Variants in SRGAP3 observed in about 807,000 individuals in gnomAD.
SRGAP3 encodes SLIT-ROBO Rho GTPase-activating protein 3.
Under a neutral mutation model 121.1 loss-of-function variants are expected in SRGAP3, and 39 were observed. That is an observed-to-expected ratio of 0.32 (90% confidence interval 0.25 to 0.42). The LOEUF is 0.42. Among genes scored for constraint, SRGAP3 ranks in the 10% least tolerant of loss-of-function variants. SRGAP3 has a pLI of 1.00. For synonymous variants in SRGAP3, 601 were observed against 570.0 expected (o/e 1.05, Z -0.77); for missense variants, 1,213 against 1,470.6 (o/e 0.82, Z 2.86).
At chr3:9,283,954 C>T (rs976799776) in intron 3 of SRGAP3, among the ~76,000 whole-genome samples, 1 of 152,160 alleles carries the variant, frequency 6.6e-6, no homozygotes, top group Non-Finnish European at 1.5e-5. Context: ...CATTTATAGA[C>T]AAGAATTATT....
chr3:9,345,676 C>A (rs531031281), intron 1 of SRGAP3, among the ~76,000 whole-genome samples: 1 of 149,078 alleles, frequency 6.7e-6, no homozygotes, highest in Non-Finnish European at 1.5e-5. Flanking sequence ...ATCCCAGCTA[C>A]CTGGGAGGCT....
chr3:9,086,367 A>G (rs1376159574), intron 3 of SRGAP3, among the ~76,000 whole-genome samples: 1 of 152,078 alleles, frequency 6.6e-6, no homozygotes, highest in Non-Finnish European at 1.5e-5. Flanking sequence ...TCTATCAAAC[A>G]TACAAAAAAT....
intron 1 of SRGAP3, among the ~76,000 whole-genome samples, chr3:9,204,165 C>T (rs1427546174): frequency 6.6e-6 from 1 of 152,236 alleles, no homozygotes; most frequent in African/African-American, 2.4e-5. Flanking sequence ...ACTACTTAGA[C>T]CCCAAGTTAG....
Position 9,077,788 on chromosome 3 carries a change from C to T in SRGAP3, c.486+2237G>A, listed in dbSNP as rs575599395. Among the ~76,000 whole-genome samples the T allele has an allele frequency of 3.3e-5, 5 of 152,370 alleles. No homozygotes were observed. The East Asian group carries it at 7.7e-4, about 24-fold the overall frequency. ...CCTTGAAGGACACAGAGAGATGCCA[C>T]TGTCCTCCTGATCTCTGACCATCAC... On this transcript the variant is annotated intron_variant, in intron 4 of 21. Coordinates refer to ENST00000383836, the MANE Select transcript of SRGAP3 (RefSeq NM_014850.4).
At chr3:9,157,811 C>T (rs1035851576) in intron 1 of SRGAP3, among the ~76,000 whole-genome samples, 4 of 152,180 alleles carry the variant, frequency 2.6e-5, no homozygotes, top group Admixed American at 2.0e-4. Context: ...ATATGTCACA[C>T]TGTTAAAATA....
At chr3:9,207,529 C>A (rs548147851) in intron 1 of SRGAP3, among the ~76,000 whole-genome samples, 1 of 152,240 alleles carries the variant, frequency 6.6e-6, no homozygotes, top group South Asian at 2.1e-4. Context: ...TGTAGACTAC[C>A]ATACAGGAAG....
At chr3:8,987,644 T>C (rs974442143) in intron 21 of SRGAP3, among the ~76,000 whole-genome samples, 8 of 152,244 alleles carry the variant, frequency 5.3e-5, no homozygotes. Flanking sequence ...GTCCTTTTTG[T>C]TAGGGGACTA....
intron 1 of SRGAP3, among the ~76,000 whole-genome samples, chr3:9,234,968 G>C (rs774167628): frequency 7.2e-5 from 11 of 152,150 alleles, no homozygotes; most frequent in African/African-American, 2.2e-4. Flanking sequence ...ATGGGAAGGG[G>C]GAAATTCTAG....
intron 18 of SRGAP3, among the ~76,000 whole-genome samples, chr3:9,004,844 T>C (rs1035666983): frequency 6.6e-6 from 1 of 152,214 alleles, no homozygotes; most frequent in Non-Finnish European, 1.5e-5. Context: ...TACATCCTCA[T>C]GAACTTGGAT....
chr3:9,334,807 G>A (rs1955665062), intron 1 of SRGAP3, among the ~76,000 whole-genome samples: 1 of 152,176 alleles, frequency 6.6e-6, no homozygotes, highest in Non-Finnish European at 1.5e-5. Flanking sequence ...CTGCTACTAC[G>A]TGGCTCTAGG....
chr3:9,065,186 T>C (rs1214819255), intron 4 of SRGAP3: 5 of 152,250 alleles, frequency 3.3e-5, no homozygotes, highest in African/African-American at 9.6e-5. Flanking sequence ...ATAGATATTC[T>C]ATGCTCTCTG....
chr3:9,074,656 G>A (rs1291864094), intron 4 of SRGAP3, among the ~76,000 whole-genome samples: 1 of 152,218 alleles, frequency 6.6e-6, no homozygotes, highest in Non-Finnish European at 1.5e-5. Flanking sequence ...TCAGGCTCCT[G>A]GGCTCCCAGT....
intron 1 of SRGAP3, among the ~76,000 whole-genome samples, chr3:9,202,607 G>A (rs1952105257): frequency 1.3e-5 from 2 of 152,144 alleles, no homozygotes; most frequent in African/African-American, 4.8e-5. Context: ...CTGCCTGCCT[G>A]CCCCACCCTC....
chr3:9,327,483 G>C (rs1311143594), intron 2 of SRGAP3, among the ~76,000 whole-genome samples: 2 of 152,066 alleles, frequency 1.3e-5, no homozygotes, highest in African/African-American at 2.4e-5. Context: ...TACACACCTT[G>C]CATGTAAACC....
chr3:9,200,223 T>A (rs763879930), intron 1 of SRGAP3, among the ~76,000 whole-genome samples: 1 of 152,212 alleles, frequency 6.6e-6, no homozygotes, highest in Non-Finnish European at 1.5e-5. Context: ...ATACTTTGTT[T>A]TTAAGATAAA....
intron 1 of SRGAP3, among the ~76,000 whole-genome samples, chr3:9,356,881 T>C (rs922211114): frequency 6.6e-6 from 1 of 152,238 alleles, no homozygotes; most frequent in African/African-American, 2.4e-5. Flanking sequence ...TATTTTCTTT[T>C]GATGACTTAA....
rs74377949 is a variant in SRGAP3 at position 9,165,946 on chromosome 3, A to C, written c.68-41029T>G. ...TCTTATATATGTGATTATCTGATTA[A>C]TGAGGAAGAAAACCCCATGTGAGGG... On this transcript the variant is annotated intron_variant, in intron 1 of 21. Coordinates refer to ENST00000383836, the MANE Select transcript of SRGAP3 (RefSeq NM_014850.4). Among the ~76,000 whole-genome samples the C allele has an allele frequency of 2.7e-3, 411 of 152,350 alleles. 4 individuals carry two copies. The highest frequency in any genetic ancestry group is 4.1e-3 in the Non-Finnish European group (281 of 68,036).
At chr3:9,216,720 G>A (rs1289178908) in intron 1 of SRGAP3, 1 of 152,618 alleles carries the variant, frequency 6.6e-6, no homozygotes, top group African/African-American at 2.4e-5. Flanking sequence ...GCTAAAAACT[G>A]ACAAGACCGC....
rs549586009 is a variant in SRGAP3, at chr3:9,081,920, G to A, written c.424-1833C>T. Among the ~76,000 whole-genome samples, 7 of 152,248 alleles carry A rather than the reference G, an allele frequency of 4.6e-5. No homozygotes were observed. The South Asian group carries it at 6.2e-4, about 14-fold the overall frequency. ...CAATGTGATGGTATTAGGAGGTGAC[G>A]TCTTTGGGAGGTGATTAGGTCATAA... On this transcript the variant is annotated intron_variant, in intron 3 of 21. Transcript: ENST00000383836.
Sources: gnomAD v4.1 joint callset for allele counts (sites outside exome capture counted in the v4.1 genomes callset) on GRCh38, gnomAD v4.1.1 for gene constraint, MANE v1.5 for transcripts, NCBI Gene and HGNC (gene_info 2026-07-23, HGNC 2026-07-21) for gene names.